Variants in CACNA1A observed in about 807,000 individuals in gnomAD.
The protein encoded by CACNA1A is calcium voltage-gated channel subunit alpha1 A.
Under a neutral mutation model 262.4 loss-of-function variants are expected in CACNA1A, and 57 were observed. That is an observed-to-expected ratio of 0.22 (90% confidence interval 0.18 to 0.27). The LOEUF is 0.27. Ranked by LOEUF, CACNA1A falls within the 10% of genes least tolerant of loss-of-function variation. The probability of loss-of-function intolerance (pLI) is 1.00; values close to 1 mark genes in which losing one functional copy is unlikely to be tolerated. For missense variants in CACNA1A, 2,526 were observed against 3,562.8 expected, an observed-to-expected ratio of 0.71 and a Z score of 7.41; for synonymous variants, 1,431 against 1,419.3, an observed-to-expected ratio of 1.01 and a Z score of -0.18.
At chr19:13,273,168 G>C (rs2057066259) in intron 24 of CACNA1A, 1 of 152,120 alleles carries the variant, frequency 6.6e-6, no homozygotes, top group Non-Finnish European at 1.5e-5. Flanking sequence ...GTTTTGTCAT[G>C]TCGGCCAGGC....
intron 3 of CACNA1A, among the ~76,000 whole-genome samples, chr19:13,396,287 C>T (rs1411290860): frequency 1.3e-5 from 2 of 152,220 alleles, no homozygotes; most frequent in African/African-American, 4.8e-5. Flanking sequence ...AAGCCTCCAT[C>T]GCAGCAAAGC....
At chr19:13,351,366 T>C (rs1368610964) in intron 6 of CACNA1A, among the ~76,000 whole-genome samples, 1 of 152,188 alleles carries the variant, frequency 6.6e-6, no homozygotes, top group Non-Finnish European at 1.5e-5. Context: ...ATTTAAGAGA[T>C]GGGGTCTTGC....
At chr19:13,380,011 T>C (rs1345386751) in intron 3 of CACNA1A, among the ~76,000 whole-genome samples, 8 of 129,982 alleles carry the variant, frequency 6.2e-5, no homozygotes, top group Middle Eastern at 8.3e-3. Context: ...TATAGCCAGG[T>C]GCGGTGGCTC....
At chr19:13,413,238 C>T (rs2060144865) in intron 3 of CACNA1A, among the ~76,000 whole-genome samples, 2 of 151,844 alleles carry the variant, frequency 1.3e-5, no homozygotes, top group South Asian at 4.2e-4. Flanking sequence ...TCCCGAGTAG[C>T]TGGGACTACA....
chr19:13,393,942 C>T (rs950869228), intron 3 of CACNA1A, among the ~76,000 whole-genome samples: 2 of 151,884 alleles, frequency 1.3e-5, no homozygotes, highest in African/African-American at 2.4e-5. Flanking sequence ...CAGCCTCACT[C>T]GGCTATGTTC....
chr19:13,248,692 A>G (rs2056318269), intron 30 of CACNA1A, among the ~76,000 whole-genome samples: 1 of 151,894 alleles, frequency 6.6e-6, no homozygotes, highest in South Asian at 2.1e-4. Flanking sequence ...AAAATACAAA[A>G]ATTAGCCGGG....
intron 44 of CACNA1A, 92 bp from the exon 45 acceptor site, chr19:13,209,590 G>T: frequency 7.9e-6 from 8 of 1,013,198 alleles, no homozygotes; most frequent in Non-Finnish European, 1.0e-5. Flanking sequence ...CCTGGTGGTG[G>T]CCTTCGGTGA....
intron 1 of CACNA1A, among the ~76,000 whole-genome samples, chr19:13,469,955 T>G (rs988654679): frequency 6.6e-6 from 1 of 152,094 alleles, no homozygotes; most frequent in Non-Finnish European, 1.5e-5. Context: ...CATCCCTGCA[T>G]GAACTCAACT....
At position 13,294,108 on chromosome 19, in the gene CACNA1A, G is replaced by A. The variant is rs540929915; in HGVS notation, c.3089+4436C>T. 6.7e-5 allele frequency among the ~76,000 whole-genome samples: 10 copies of A among 150,048 alleles called. No homozygotes were observed. The South Asian group carries it at 1.9e-3, about 29-fold the overall frequency. On this transcript the variant is annotated intron_variant, in intron 19 of 46. Transcript: ENST00000360228. Reference sequence around the variant, plus strand: ...TAGCAAGAGTAATTAATAATCATTGGTCTTTCTTTTTTTTTTAGACATGAG... The same window carrying A: ...TAGCAAGAGTAATTAATAATCATTGATCTTTCTTTTTTTTTTAGACATGAG...
chr19:13,430,589 CT>C (rs2060489389), intron 3 of CACNA1A, among the ~76,000 whole-genome samples: 1 of 152,104 alleles, frequency 6.6e-6, no homozygotes, highest in Non-Finnish European at 1.5e-5. Context: ...CTTGATGCCC[CT>C]GGAAGATTTT....
intron 1 of CACNA1A, among the ~76,000 whole-genome samples, chr19:13,496,941 T>C (rs371332356): frequency 5.3e-5 from 8 of 152,140 alleles, no homozygotes; most frequent in South Asian, 4.1e-4. Context: ...GAATCACCAC[T>C]GGGACAGACT....
intron 43 of CACNA1A, 173 bp from the exon 44 acceptor site, chr19:13,210,825 A>C: frequency 1.4e-6 from 1 of 719,766 alleles, no homozygotes; most frequent in African/African-American, 1.8e-5. Context: ...GAAAAGTTAA[A>C]GTCCTGGCGG....
Position 13,207,278 on chromosome 19 carries a change from C to T in CACNA1A, c.*35G>A, listed in dbSNP as rs1369134515. The stretch of plus-strand genomic sequence containing the variant: ...TCGGGTGGGGTGTGTGCGTGGGGTG[C>T]GTGGGGGGCCGGGCGGGCGCCACCT... On this transcript the variant is annotated 3_prime_UTR_variant, in exon 47 of 47. Transcript: ENST00000360228. This position sits in a 1 kb window ranked among gnomAD's most constrained non-coding sequence, Gnocchi z 5.7. 1 of 1,516,954 alleles carries T rather than the reference C, an allele frequency of 6.6e-7. No homozygotes were observed. The highest frequency in any genetic ancestry group is 1.4e-5 in the African/African-American group (1 of 70,410). 94.0% of individuals were successfully genotyped at this position (1,516,954 alleles called of 1,614,324 possible). A position where few individuals can be genotyped will look rare whatever the true frequency, so the allele number is the denominator to read the frequency against.
intron 3 of CACNA1A, among the ~76,000 whole-genome samples, chr19:13,438,047 C>G (rs185671853): frequency 7.2e-5 from 11 of 152,324 alleles, no homozygotes; most frequent in African/African-American, 2.6e-4. Flanking sequence ...TGTAATCATT[C>G]CCACTTTTCT....
chr19:13,458,236 C>T (rs143231697), intron 1 of CACNA1A, among the ~76,000 whole-genome samples: 10 of 152,130 alleles, frequency 6.6e-5, no homozygotes, highest in African/African-American at 1.2e-4. Flanking sequence ...CATAGCTCAC[C>T]GCAGCCTTGA....
intron 6 of CACNA1A, among the ~76,000 whole-genome samples, chr19:13,336,594 GGAGAGAGAGAGAGA>G (rs547329827): frequency 7.3e-4 from 48 of 65,504 alleles, no homozygotes; most frequent in African/African-American, 2.0e-3. Context: ...AGAGAGAGAG[GGAGAGAGAGAGAGA>G]GAGAGAGAGA....
In CACNA1A at chr19:13,241,321, C is replaced by G. The variant is rs999985037; in HGVS notation, c.4950+3861G>C. ...ACCCCCATTCAGAACCCGATAAAAA[C>G]AGAGAGACAGAGTCTACAGGAAGTG... On this transcript the variant is annotated intron_variant, in intron 31 of 46. Coordinates refer to ENST00000360228, the MANE Select transcript of CACNA1A (RefSeq NM_001127222.2). This position sits in a 1 kb window ranked among gnomAD's most constrained non-coding sequence, Gnocchi z 4.0. 6.6e-6 allele frequency among the ~76,000 whole-genome samples: 1 copy of G among 151,988 alleles called. No homozygotes were observed. The highest frequency in any genetic ancestry group is 2.4e-5 in the African/African-American group (1 of 41,376).
chr19:13,291,213 C>T (rs1307061632), intron 19 of CACNA1A, among the ~76,000 whole-genome samples: 2 of 152,120 alleles, frequency 1.3e-5, no homozygotes, highest in Non-Finnish European at 2.9e-5. Context: ...ACTTGGGCAT[C>T]CTTCTGCAGA....
In CACNA1A at chr19:13,460,986, T is replaced by C. The variant is rs536409430; in HGVS notation, c.294-5774A>G. ...ACGTGGGGATTTTTTGTCTACTTTG[T>C]TCACTGCTTCATCCTCTGTGCCCAG... On this transcript the variant is annotated intron_variant, in intron 1 of 46. Transcript: ENST00000360228. 1.1e-4 allele frequency among the ~76,000 whole-genome samples: 17 copies of C among 152,286 alleles called. No homozygotes were observed. In the South Asian group the frequency reaches 3.5e-3, roughly 32 times the overall value.
Sources: gnomAD v4.1 joint callset for allele counts (sites outside exome capture counted in the v4.1 genomes callset) on GRCh38, gnomAD v4.1.1 for gene constraint, Gnocchi (gnomAD v3.1) non-coding constraint, MANE v1.5 for transcripts, NCBI Gene and HGNC (gene_info 2026-07-23, HGNC 2026-07-21) for gene names.